Variants in ESR1 observed in about 807,000 individuals in gnomAD.
ESR1 encodes estrogen receptor.
A neutral mutation model predicts 52.7 loss-of-function variants in ESR1; 12 were observed. The ratio of observed to expected loss-of-function variants is 0.23; its 90% confidence interval spans 0.15 to 0.37. The LOEUF (loss-of-function observed/expected upper bound fraction) is 0.37, where lower values mean the gene tolerates loss of function less well. Ranked by LOEUF, ESR1 falls within the 10% of genes least tolerant of loss-of-function variation. The probability of loss-of-function intolerance (pLI) is 1.00; values close to 1 mark genes in which losing one functional copy is unlikely to be tolerated. For missense variants in ESR1, 584 were observed against 779.7 expected (o/e 0.75, Z 2.99); for synonymous variants, 305 against 316.8 (o/e 0.96, Z 0.39).
intron 5 of ESR1, among the ~76,000 whole-genome samples, chr6:152,043,420 T>C (rs548958882): frequency 1.1e-4 from 17 of 152,346 alleles, no homozygotes; most frequent in African/African-American, 3.6e-4. Context: ...TTTCTGCTTA[T>C]ATAAATTAGA....
intron 2 of ESR1, among the ~76,000 whole-genome samples, chr6:151,848,174 T>C (rs1424410048): frequency 5.9e-5 from 6 of 102,352 alleles, no homozygotes; most frequent in African/African-American, 2.3e-4. Flanking sequence ...TCATGTCCTT[T>C]GTAGGGACAT....
rs141547245 is a variant in ESR1, at chr6:151,893,858, A to C, written c.760+13087A>C. ...GAGATCCCTGAGGGATATGGGAACCATAAAGGATCTTAAGCAGAGAAGTGA... is the reference window on the plus strand; with the variant it reads ...GAGATCCCTGAGGGATATGGGAACCCTAAAGGATCTTAAGCAGAGAAGTGA... On this transcript the variant is annotated intron_variant, in intron 3 of 7. Transcript: ENST00000206249. 5.5e-3 allele frequency among the ~76,000 whole-genome samples: 839 copies of C among 152,330 alleles called. 2 individuals are homozygous for C. Among genetic ancestry groups the C allele is most frequent in the Admixed American group, 0.01 (153 of 15,290 alleles).
chr6:151,889,843 G>T (rs946394088), intron 3 of ESR1, among the ~76,000 whole-genome samples: 11 of 152,152 alleles, frequency 7.2e-5, no homozygotes, highest in African/African-American at 2.4e-4. Flanking sequence ...TTGGTATGTT[G>T]TGTGTCCATT....
At chr6:151,689,792 T>G (rs1778831205), upstream of ESR1, among the ~76,000 whole-genome samples, 1 of 152,190 alleles carries the variant, frequency 6.6e-6, no homozygotes, top group South Asian at 2.1e-4. Flanking sequence ...TTTTAAAAAT[T>G]CATTTAAAGT....
intron 5 of ESR1, among the ~76,000 whole-genome samples, chr6:152,019,391 A>G (rs2043437683): frequency 6.6e-6 from 1 of 152,206 alleles, no homozygotes; most frequent in Non-Finnish European, 1.5e-5. Flanking sequence ...AAAAAAATCA[A>G]AGTAAAATTT....
intron 2 of ESR1, among the ~76,000 whole-genome samples, chr6:151,846,602 C>T (rs1396411598): frequency 2.0e-5 from 3 of 152,174 alleles, no homozygotes; most frequent in Non-Finnish European, 2.9e-5. Flanking sequence ...AGATTATTCT[C>T]ATGTTCTAAG....
At position 151,669,147 on chromosome 6, in the gene ESR1, G is replaced by GGAGAGC. The variant is rs1554231688; in HGVS notation, n.73+12389_73+12390insCGAGAG. ...GTGGTAGGAAGCTCTTTGGGAGCTG[G>GGAGAGC]GAGAGAGAGAGAGAGAGAGAGAGAG... On this transcript the variant is annotated intron_variant and non_coding_transcript_variant, in intron 1 of 2. Coordinates refer to the ESR1 transcript ENST00000473497. Among the ~76,000 whole-genome samples the GGAGAGC allele has an allele frequency of 5.8e-5, 4 of 69,272 alleles. 1 individual carries two copies. Among genetic ancestry groups the GGAGAGC allele is most frequent in the Admixed American group, 1.8e-4 (1 of 5,626 alleles). 45.4% of individuals were successfully genotyped at this position (69,272 alleles called of 152,430 possible). A position where few individuals can be genotyped will look rare whatever the true frequency, so the allele number is the denominator to read the frequency against.
chr6:151,763,021 A>C (rs931845431), intron 2 of ESR1, among the ~76,000 whole-genome samples: 11 of 151,484 alleles, frequency 7.3e-5, no homozygotes, highest in African/African-American at 2.7e-4. Context: ...TTTTATTTTA[A>C]ATATATTAAA....
chr6:151,930,893 T>C (rs1435548885), intron 3 of ESR1, among the ~76,000 whole-genome samples: 1 of 152,236 alleles, frequency 6.6e-6, no homozygotes, highest in African/African-American at 2.4e-5. Flanking sequence ...AAATCTGCTG[T>C]ATTTCATCCT....
chr6:151,912,215 G>A (rs1174857836), intron 3 of ESR1, among the ~76,000 whole-genome samples: 1 of 152,200 alleles, frequency 6.6e-6, no homozygotes, highest in Non-Finnish European at 1.5e-5. Flanking sequence ...CATTCAGCGT[G>A]TCTGATAGGC....
exon 7 of ESR1, chr6:152,128,426 C>T (rs1470219446): frequency 6.6e-6 from 1 of 152,090 alleles, no homozygotes; most frequent in Non-Finnish European, 1.5e-5. Context: ...AGGCCCAGGG[C>T]CTAAATTTAG....
chr6:151,740,069 CAA>C (rs1562369511), intron 2 of ESR1, among the ~76,000 whole-genome samples: 1 of 152,046 alleles, frequency 6.6e-6, no homozygotes, highest in Non-Finnish European at 1.5e-5. Flanking sequence ...TATATTGAAA[CAA>C]ATAGTCTCTG....
chr6:151,819,929 T>C (rs563651422), intron 1 of ESR1, among the ~76,000 whole-genome samples: 1 of 152,314 alleles, frequency 6.6e-6, no homozygotes, highest in South Asian at 2.1e-4. Flanking sequence ...TTACTGGATG[T>C]TGATCATGTA....
chr6:151,962,509 C>T (rs542716591), intron 4 of ESR1, among the ~76,000 whole-genome samples: 2 of 152,274 alleles, frequency 1.3e-5, no homozygotes, highest in African/African-American at 4.8e-5. Flanking sequence ...CAAATGGGAT[C>T]TTTTACTACA....
chr6:151,806,557 T>TATATATATATATATAC (rs1554259008), upstream of ESR1, among the ~76,000 whole-genome samples: 1,407 of 133,568 alleles, frequency 0.011, 29 homozygotes, highest in African/African-American at 0.014. Flanking sequence ...TATATATATA[T>TATATATATATATATAC]ACACATATAT....
At chr6:151,688,626 A>G (rs575377333), upstream of ESR1, among the ~76,000 whole-genome samples, 420 of 147,534 alleles carry the variant, frequency 2.8e-3, no homozygotes, top group South Asian at 3.0e-3. Context: ...ATACTAGGGG[A>G]AAAAAAAAAG....
chr6:151,689,863 T>A (rs566934148), upstream of ESR1, among the ~76,000 whole-genome samples: 7 of 152,356 alleles, frequency 4.6e-5, no homozygotes, highest in Non-Finnish European at 7.3e-5. Context: ...TTATTAAAAA[T>A]TTTTAATATG....
At chr6:151,839,880 G>T (rs570244175) in intron 1 of ESR1, among the ~76,000 whole-genome samples, 1 of 152,232 alleles carries the variant, frequency 6.6e-6, no homozygotes, top group East Asian at 1.9e-4. Flanking sequence ...AAGACTGGTT[G>T]CACGATGATG....
chr6:151,661,932 A>C (rs1777651592), intron 1 of ESR1, among the ~76,000 whole-genome samples: 1 of 152,208 alleles, frequency 6.6e-6, no homozygotes, highest in Non-Finnish European at 1.5e-5. Context: ...ATATGAGTCA[A>C]TTAAACCTCT....
Sources: gnomAD v4.1 joint callset for allele counts (sites outside exome capture counted in the v4.1 genomes callset) on GRCh38, gnomAD v4.1.1 for gene constraint, MANE v1.5 for transcripts, NCBI Gene and HGNC (gene_info 2026-07-23, HGNC 2026-07-21) for gene names.